COPG2: variants seen among roughly 807,000 people sequenced by gnomAD.
COPG2 encodes the protein coat protein complex I subunit gamma 2.
Under a neutral mutation model 46.3 loss-of-function variants are expected in COPG2, and 37 were observed. That is an observed-to-expected ratio of 0.80 (90% CI 0.61 to 1.05). The LOEUF (loss-of-function observed/expected upper bound fraction) is 1.05, where lower values mean the gene tolerates loss of function less well. COPG2 is among the 50% of genes least tolerant of loss of function. The pLI is 0.00. For missense variants in COPG2, 427 were observed against 387.8 expected (o/e 1.10, Z -0.85); for synonymous variants, 159 against 129.7 (o/e 1.23, Z -1.53).
chr7:130,624,945 G>T (rs782781630), intron 5 of COPG2, among the ~76,000 whole-genome samples: 11 of 152,130 alleles, frequency 7.2e-5, no homozygotes, highest in Non-Finnish European at 1.6e-4. Context: ...GGGATTGCTG[G>T]GTCGAATGGC....
At chr7:130,532,735 G>A (rs1422066218) in intron 20 of COPG2, among the ~76,000 whole-genome samples, 4 of 152,158 alleles carry the variant, frequency 2.6e-5, no homozygotes, top group Non-Finnish European at 4.4e-5. Flanking sequence ...GTTGTGGTGT[G>A]CTGGAAAAGT....
intron 9 of COPG2, among the ~76,000 whole-genome samples, chr7:130,595,653 T>TACCCC (rs1794512535): frequency 6.6e-6 from 1 of 152,160 alleles, no homozygotes; most frequent in Admixed American, 6.5e-5. Context: ...CTCTCTTGAG[T>TACCCC]ACCCCCACAC....
chr7:130,657,008 A>G (rs1446007171), intron 4 of COPG2, among the ~76,000 whole-genome samples: 2 of 150,086 alleles, frequency 1.3e-5, no homozygotes, highest in Non-Finnish European at 3.0e-5. Flanking sequence ...TTATCTATAT[A>G]TAATATAGAT....
At chr7:130,624,275 G>A (rs1795082332) in intron 5 of COPG2, among the ~76,000 whole-genome samples, 1 of 151,964 alleles carries the variant, frequency 6.6e-6, no homozygotes, top group Non-Finnish European at 1.5e-5. Flanking sequence ...CAAGAGTAAG[G>A]GGCTTAATAT....
At chr7:130,641,567 G>A (rs1795489612) in intron 5 of COPG2, among the ~76,000 whole-genome samples, 1 of 152,154 alleles carries the variant, frequency 6.6e-6, no homozygotes. Context: ...AAAGAGGTCA[G>A]GTAAAATGTG....
chr7:130,591,765 C>T (rs1397903663), intron 9 of COPG2, among the ~76,000 whole-genome samples: 12 of 146,148 alleles, frequency 8.2e-5, no homozygotes, highest in East Asian at 2.1e-4. Context: ...CCACCCCGTC[C>T]GGGAGGGAAG....
chr7:130,664,434 T>C (rs1796034948), intron 3 of COPG2, among the ~76,000 whole-genome samples: 1 of 152,240 alleles, frequency 6.6e-6, no homozygotes, highest in African/African-American at 2.4e-5. Context: ...TACCCAGAAG[T>C]CTGTGTGCTT....
intron 5 of COPG2, among the ~76,000 whole-genome samples, chr7:130,634,664 G>C (rs188409266): frequency 6.6e-6 from 1 of 152,262 alleles, no homozygotes; most frequent in East Asian, 1.9e-4. Context: ...TCTGCAAACA[G>C]AGACAATCTG....
intron 5 of COPG2, among the ~76,000 whole-genome samples, chr7:130,639,810 C>G (rs955882462): frequency 6.6e-6 from 1 of 152,328 alleles, no homozygotes; most frequent in Non-Finnish European, 1.5e-5. Context: ...ATCTGGCAGT[C>G]AAAGACACCT....
At chr7:130,556,752 A>C (rs1199379360) in intron 12 of COPG2, among the ~76,000 whole-genome samples, 1 of 152,254 alleles carries the variant, frequency 6.6e-6, no homozygotes, top group Non-Finnish European at 1.5e-5. Context: ...TTGATAAAAT[A>C]ACATCACATT....
chr7:130,627,378 C>T (rs1304753915), intron 5 of COPG2, among the ~76,000 whole-genome samples: 1 of 152,132 alleles, frequency 6.6e-6, no homozygotes, highest in Non-Finnish European at 1.5e-5. Flanking sequence ...ACTAGACCAT[C>T]AGCTAATAGA....
At chr7:130,650,510 A>C (rs1422558525) in intron 5 of COPG2, among the ~76,000 whole-genome samples, 1 of 152,236 alleles carries the variant, frequency 6.6e-6, no homozygotes, top group Non-Finnish European at 1.5e-5. Flanking sequence ...TAGTGAATCT[A>C]GCAATCTAAC....
chr7:130,645,179 A>G, intron 5 of COPG2: 2 of 618,604 alleles, frequency 3.2e-6, no homozygotes, highest in Non-Finnish European at 6.2e-6. Context: ...TCATGCTTCC[A>G]CGTATTCAGA....
At chr7:130,591,239 T>C (rs1342782809) in intron 9 of COPG2, among the ~76,000 whole-genome samples, 16 of 107,004 alleles carry the variant, frequency 1.5e-4, no homozygotes, top group African/African-American at 4.8e-4. Context: ...CCCCTCTGCC[T>C]GGCCAGCCGC....
At chr7:130,651,677 C>G (rs999888621) in intron 5 of COPG2, among the ~76,000 whole-genome samples, 1 of 151,146 alleles carries the variant, frequency 6.6e-6, no homozygotes, top group African/African-American at 2.4e-5. Flanking sequence ...CCACCGCGCC[C>G]GGCTAATTTT....
chr7:130,573,968 T>A (rs1793958159), intron 9 of COPG2, among the ~76,000 whole-genome samples: 1 of 152,212 alleles, frequency 6.6e-6, no homozygotes, highest in Non-Finnish European at 1.5e-5. Flanking sequence ...ACTCATCATA[T>A]GACCCAGTTA....
At chr7:130,667,148 C>T (rs781823681) in intron 2 of COPG2, among the ~76,000 whole-genome samples, 1 of 152,182 alleles carries the variant, frequency 6.6e-6, no homozygotes, top group African/African-American at 2.4e-5. Context: ...ACTTTATGGG[C>T]TATACCAGTT....
chr7:130,580,309 C>T (rs1465324107), intron 9 of COPG2, among the ~76,000 whole-genome samples: 1 of 142,582 alleles, frequency 7.0e-6, no homozygotes, highest in Non-Finnish European at 1.5e-5. Context: ...AGAACAAAGA[C>T]ACAACATACC....
intron 9 of COPG2, among the ~76,000 whole-genome samples, chr7:130,572,292 CA>C (rs1238319878): frequency 6.6e-6 from 1 of 151,968 alleles, no homozygotes; most frequent in Non-Finnish European, 1.5e-5. Context: ...TAGTCCCACC[CA>C]ATAACTGATA....
Sources: gnomAD v4.1 joint callset for allele counts (sites outside exome capture counted in the v4.1 genomes callset) on GRCh38, gnomAD v4.1.1 for gene constraint, MANE v1.5 for transcripts, NCBI Gene and HGNC (gene_info 2026-07-23, HGNC 2026-07-21) for gene names.